CLN3: variants seen among roughly 807,000 people sequenced by gnomAD.
CLN3 encodes the protein CLN3 lysosomal/endosomal transmembrane protein, battenin, also known as battenin.
Under a neutral mutation model 60.7 loss-of-function variants are expected in CLN3, and 49 were observed. The observed-to-expected ratio is 0.81, with a 90% confidence interval of 0.64 to 1.02. The LOEUF is 1.02. Ranked by LOEUF, CLN3 falls within the 50% of genes least tolerant of loss-of-function variation. The pLI, the probability that CLN3 is intolerant of heterozygous loss-of-function variation, is 0.00. For missense variants in CLN3, 516 were observed against 557.4 expected (o/e 0.93, Z 0.75); for synonymous variants, 256 against 245.8 (o/e 1.04, Z -0.39).
chr16:28,468,806 CAAA>C, the CLN3 span, among the ~76,000 whole-genome samples: 1 of 24,410 alleles, frequency 4.1e-5, no homozygotes, highest in Admixed American at 5.9e-4. Context: ...GACTCTGTCT[CAAA>C]AAAAAAAAAA....
intron 14 of CLN3, 75 bp downstream of exon 14, chr16:28,482,014 CCACTGATAGTGGGAAG>C (rs1448686375): frequency 5.5e-6 from 5 of 916,882 alleles, no homozygotes; most frequent in Non-Finnish European, 3.4e-6. Flanking sequence ...TTTACACTTC[CCACTGATAGTGGGAAG>C]CAGGGGGTTT....
At chr16:28,480,862 C>T (rs983763231) in intron 14 of CLN3, among the ~76,000 whole-genome samples, 4 of 152,280 alleles carry the variant, frequency 2.6e-5, no homozygotes, top group South Asian at 2.1e-4. Context: ...AGGGTGTTTG[C>T]GCCCTTAAAG....
At chr16:28,491,415 C>T in intron 3 of CLN3, 67 bp downstream of exon 3, 1 of 1,577,400 alleles carries the variant, frequency 6.3e-7, no homozygotes, top group Non-Finnish European at 8.6e-7. Context: ...CTCTTTCTTC[C>T]CCCTTTCCTC....
chr16:28,473,146 C>G (rs2045965660), downstream of CLN3, among the ~76,000 whole-genome samples: 1 of 151,648 alleles, frequency 6.6e-6, no homozygotes, highest in Non-Finnish European at 1.5e-5. Flanking sequence ...TTCCTGTCAC[C>G]CAGGCTGGAG....
chr16:28,470,680 G>A (rs555040847), downstream of CLN3: 243 of 543,288 alleles, frequency 4.5e-4, no homozygotes, highest in African/African-American at 3.4e-3. Context: ...AGGGAAAGGA[G>A]GAGAAGGGGG....
rs1207460902 is a variant in CLN3 at position 28,482,120 on chromosome 16, G to A, written c.1041C>T (p.Ala347=). 1 of 1,613,304 alleles carries A rather than the reference G, an allele frequency of 6.2e-7. No individual in the cohort carries two copies. The highest frequency in any genetic ancestry group is 2.2e-5 in the East Asian group (1 of 44,858). ...LRCCRIRFTW[A]LALLQCLNLV... ...GGTTTGGTACCTGCAGCAGGGCCAG[G>A]GCCCAGGTGAAACGGATGCGACAGC... Residue 347 remains alanine, a synonymous_variant, in exon 14 of 16, where the codon GCC becomes GCT. Transcript: ENST00000636147.
intron 9 of CLN3, among the ~76,000 whole-genome samples, chr16:28,485,571 C>CAAAAAA (rs67148714): frequency 1.7e-4 from 2 of 11,766 alleles, no homozygotes; most frequent in African/African-American, 4.5e-4. Flanking sequence ...GACTCCGTCT[C>CAAAAAA]AAAAAAAAAA....
chr16:28,478,400 G>A (rs911647361), intron 14 of CLN3, among the ~76,000 whole-genome samples: 2 of 151,572 alleles, frequency 1.3e-5, no homozygotes, highest in Non-Finnish European at 2.9e-5. Flanking sequence ...ATGATCACTT[G>A]AGGCCAGGAG....
At chr16:28,487,320 C>A in intron 7 of CLN3, 136 bp downstream of exon 7, 1 of 764,754 alleles carries the variant, frequency 1.3e-6, no homozygotes, top group Non-Finnish European at 2.3e-6. Flanking sequence ...CCATCGCCTA[C>A]TGCTGATAGC....
chr16:28,489,794 C>G (rs1276360618), intron 3 of CLN3, among the ~76,000 whole-genome samples: 2 of 152,078 alleles, frequency 1.3e-5, no homozygotes, highest in East Asian at 3.9e-4. Flanking sequence ...CAGTGGCTCA[C>G]ACCTGTAATT....
downstream of CLN3, among the ~76,000 whole-genome samples, chr16:28,473,372 C>T (rs2045967513): frequency 6.6e-6 from 1 of 152,116 alleles, no homozygotes; most frequent in Admixed American, 6.6e-5. Context: ...GCATGAGCCA[C>T]CACGCCCGGC....
rs1410366535 is a variant in CLN3 at position 28,487,492 on chromosome 16, C to T, written c.424G>A (p.Val142Ile). Residue 142 changes from valine to isoleucine, a missense_variant, in exon 7 of 16, where the codon GTT becomes ATT. By Grantham distance (29) the Val-to-Ile change is conservative. Transcript: ENST00000636147. ...GICAAGSFVL[V>I]AFSHSVGTSL... ...GTCCCCACAGAATGAGAAAAGGCAA[C>T]CAGGACGAAGCTTCCAGCAGCACAA... The T allele has an allele frequency of 6.2e-7, 1 of 1,613,862 alleles. No individual in the cohort carries two copies. Among genetic ancestry groups the T allele is most frequent in the Non-Finnish European group, 8.5e-7 (1 of 1,180,008 alleles).
intron 7 of CLN3, chr16:28,487,133 A>C: frequency 2.3e-6 from 1 of 427,438 alleles, no homozygotes; most frequent in South Asian, 2.3e-5. Context: ...CTGGTTTCGA[A>C]CTCCTGACCT....
At position 28,491,781 on chromosome 16, in the gene CLN3, G is replaced by C; in HGVS notation, c.-22C>G. On this transcript the variant is annotated 5_prime_UTR_variant, in exon 2 of 16. Transcript: ENST00000636147. ...CCATCGCATCAAGTTCAGGTCCCCC[G>C]AGGGTCCAGGGTCATAGAGTGTCCA... is the stretch of plus-strand genomic sequence containing the variant. The C allele has an allele frequency of 6.2e-7, 1 of 1,613,008 alleles. No homozygotes were observed. Among genetic ancestry groups the C allele is most frequent in the Non-Finnish European group, 8.5e-7 (1 of 1,179,956 alleles).
chr16:28,489,172 G>A, intron 4 of CLN3, 118 bp downstream of exon 4: 4 of 796,604 alleles, frequency 5.0e-6, no homozygotes, highest in Non-Finnish European at 8.7e-6. Flanking sequence ...AAACTGCTGG[G>A]ATTACAGGTG....
Position 28,488,642 on chromosome 16 carries a change from C to G in CLN3, c.243G>C (p.Pro81=), listed in dbSNP as rs779165392. Residue 81 remains proline, a synonymous_variant, in exon 5 of 16, where the codon CCG becomes CCC. Coordinates refer to ENST00000636147, the MANE Select transcript of CLN3 (RefSeq NM_001042432.2). ...ATCGTGATGAGCTGTTGTGGGGGAT[C>G]GGCGTTGGGCCTGGGTCCACCTAAT... ...NQSHVDPGPT[P]IPHNSSSRFD... is the part of the protein sequence containing the mutation. 6.2e-7 allele frequency: 1 copy of G among 1,614,140 alleles called. No homozygotes were observed. The highest frequency in any genetic ancestry group is 8.5e-7 in the Non-Finnish European group (1 of 1,180,010).
chr16:28,474,514 C>T (rs992981488), downstream of CLN3, among the ~76,000 whole-genome samples: 3 of 151,478 alleles, frequency 2.0e-5, no homozygotes, highest in South Asian at 2.1e-4. Context: ...ACCGGGGAGA[C>T]GGAGGTTGCG....
intron 4 of CLN3, 35 bp downstream of exon 4, chr16:28,489,255 A>G (rs1332636433): frequency 2.6e-6 from 4 of 1,520,796 alleles, no homozygotes; most frequent in African/African-American, 2.7e-5. Flanking sequence ...TCCCACAGGG[A>G]CTAACCATGG....
At chr16:28,491,202 T>C in intron 3 of CLN3, 1 of 484,708 alleles carries the variant, frequency 2.1e-6, no homozygotes, top group East Asian at 3.3e-5. Flanking sequence ...AAGTTTTCTT[T>C]TTAAAAATAT....
Sources: allele counts gnomAD v4.1 joint callset (sites outside exome capture counted in the v4.1 genomes callset), GRCh38; gene constraint gnomAD v4.1.1; transcripts MANE v1.5; gene names NCBI Gene and HGNC (gene_info 2026-07-23, HGNC 2026-07-21).